The following PRIM2 variants were observed in gnomAD, a reference collection of about 807,000 sequenced individuals.
PRIM2 encodes the protein DNA primase subunit 2.
PRIM2 carries 39 observed loss-of-function variants against 67.3 expected under a neutral mutation model. The ratio of observed to expected loss-of-function variants is 0.58; its 90% CI spans 0.45 to 0.76. The LOEUF (loss-of-function observed/expected upper bound fraction) is 0.76, where lower values mean the gene tolerates loss of function less well. Among genes scored for constraint, PRIM2 ranks in the 30% least tolerant of loss-of-function variants. The probability of loss-of-function intolerance (pLI) is 0.00; values close to 1 mark genes in which losing one functional copy is unlikely to be tolerated. For missense variants in PRIM2, 398 were observed against 598.7 expected, an observed-to-expected ratio of 0.66 and a Z score of 3.50; for synonymous variants, 143 against 198.7, an observed-to-expected ratio of 0.72 and a Z score of 2.36.
At chr6:57,541,210 A>G (rs1237426793) in intron 10 of PRIM2, among the ~76,000 whole-genome samples, 1 of 152,182 alleles carries the variant, frequency 6.6e-6, no homozygotes. Context: ...GTATCGATCA[A>G]TGTAGTACAG....
intron 10 of PRIM2, among the ~76,000 whole-genome samples, chr6:57,554,776 A>G (rs1455297210): frequency 6.6e-6 from 1 of 152,226 alleles, no homozygotes; most frequent in Non-Finnish European, 1.5e-5. Flanking sequence ...ATGCTACTTC[A>G]TGGTTTTTTC....
chr6:57,272,223 T>A, the PRIM2 span, among the ~76,000 whole-genome samples: 3 of 152,182 alleles, frequency 2.0e-5, no homozygotes, highest in Admixed American at 2.0e-4. Context: ...ATGTTGACAG[T>A]GGGGTGTTAA....
intron 7 of PRIM2, among the ~76,000 whole-genome samples, chr6:57,480,785 C>G (rs1212975501): frequency 6.6e-6 from 1 of 152,136 alleles, no homozygotes; most frequent in Non-Finnish European, 1.5e-5. Flanking sequence ...CATGTCACCA[C>G]GCCCAGCTAG....
chr6:57,545,656 A>T (rs2127473251), intron 10 of PRIM2, among the ~76,000 whole-genome samples: 1 of 152,098 alleles, frequency 6.6e-6, no homozygotes, highest in East Asian at 1.9e-4. Context: ...CTGGTCTCGA[A>T]CTCCCGACCT....
chr6:57,416,462 A>G (rs576908619), intron 7 of PRIM2, among the ~76,000 whole-genome samples: 1 of 152,268 alleles, frequency 6.6e-6, no homozygotes, highest in East Asian at 1.9e-4. Flanking sequence ...GATTTTCAGA[A>G]TGGTAAATGA....
chr6:57,391,831 C>T (rs910417038), intron 7 of PRIM2, among the ~76,000 whole-genome samples: 1 of 152,032 alleles, frequency 6.6e-6, no homozygotes, highest in African/African-American at 2.4e-5. Flanking sequence ...TTAGGATTGC[C>T]TTGGCTATTC....
chr6:57,607,803 T>C (rs1582017496), intron 12 of PRIM2, among the ~76,000 whole-genome samples: 1 of 152,194 alleles, frequency 6.6e-6, no homozygotes, highest in Non-Finnish European at 1.5e-5. Flanking sequence ...ATATTATGTC[T>C]GCATTTAAAT....
intron 10 of PRIM2, among the ~76,000 whole-genome samples, chr6:57,560,689 C>T (rs1690114676): frequency 6.6e-6 from 1 of 151,372 alleles, no homozygotes; most frequent in East Asian, 2.0e-4. Context: ...TCTTATCATA[C>T]ATCTCCATCA....
At chr6:57,638,564 G>A (rs1420390900) in intron 13 of PRIM2, among the ~76,000 whole-genome samples, 30 of 65,472 alleles carry the variant, frequency 4.6e-4, no homozygotes, top group African/African-American at 2.0e-3. Flanking sequence ...TATTTACCAA[G>A]CAAACAGAAA....
intron 7 of PRIM2, among the ~76,000 whole-genome samples, chr6:57,402,836 A>C (rs1456200730): frequency 6.6e-6 from 1 of 152,204 alleles, no homozygotes; most frequent in Non-Finnish European, 1.5e-5. Context: ...GGGTTTTAAA[A>C]AGGAGAAAAA....
rs1372163879 is a variant in PRIM2 at position 57,646,077 on chromosome 6, A to C, written c.1449A>C (p.Ala483=). 6.2e-7 allele frequency: 1 copy of C among 1,604,220 alleles called. No homozygotes were observed. Among genetic ancestry groups the C allele is most frequent in the Non-Finnish European group, 8.5e-7 (1 of 1,171,038 alleles). ...PKPSVQKTKD[A]SSALASLNSS... is the part of the protein sequence containing the mutation. ...CAAGTGTCCAGAAAACCAAGGATGC[A>C]TCATCTGCTCTGGCCTCTTTAAATT... is the stretch of plus-strand genomic sequence containing the variant. Residue 483 remains alanine, a synonymous_variant, in exon 14 of 14, where the codon GCA becomes GCC. Transcript: ENST00000615550.
chr6:57,331,490 A>G (rs745872792), intron 5 of PRIM2, among the ~76,000 whole-genome samples: 3 of 152,090 alleles, frequency 2.0e-5, no homozygotes, highest in African/African-American at 7.2e-5. Context: ...GATTGGTTTA[A>G]ATGTTTGGTA....
At chr6:57,380,388 C>T (rs528967216) in intron 6 of PRIM2, among the ~76,000 whole-genome samples, 2 of 152,154 alleles carry the variant, frequency 1.3e-5, no homozygotes, top group Non-Finnish European at 2.9e-5. Context: ...CCTCTGACAT[C>T]GTGGTGTCTT....
intron 13 of PRIM2, among the ~76,000 whole-genome samples, chr6:57,644,735 A>C (rs1777305317): frequency 6.6e-6 from 1 of 152,236 alleles, no homozygotes; most frequent in Non-Finnish European, 1.5e-5. Context: ...GAAATGGAAT[A>C]ACTTCTCAGT....
chr6:57,502,145 C>T (rs1554346928), intron 7 of PRIM2, among the ~76,000 whole-genome samples: 44 of 152,142 alleles, frequency 2.9e-4, no homozygotes, highest in African/African-American at 9.9e-4. Context: ...AAATTTTAAG[C>T]CCCCCAGCCA....
At chr6:57,573,340 T>G (rs1775896755) in intron 10 of PRIM2, among the ~76,000 whole-genome samples, 1 of 152,202 alleles carries the variant, frequency 6.6e-6, no homozygotes, top group Non-Finnish European at 1.5e-5. Flanking sequence ...ACATGTGAAG[T>G]GGCTAGTGGA....
intron 7 of PRIM2, among the ~76,000 whole-genome samples, chr6:57,401,724 G>C (rs995538294): frequency 2.6e-5 from 4 of 152,192 alleles, no homozygotes; most frequent in Non-Finnish European, 4.4e-5. Flanking sequence ...GTGCAGGTCT[G>C]CAATCACCCA....
intron 7 of PRIM2, among the ~76,000 whole-genome samples, chr6:57,384,525 A>G (rs60002991): frequency 0.4 from 61,488 of 151,910 alleles, 13,398 homozygotes; most frequent in South Asian, 0.57. Flanking sequence ...GTACCTCAAC[A>G]TATGATTTTC....
intron 12 of PRIM2, among the ~76,000 whole-genome samples, chr6:57,629,686 C>T (rs1319427809): frequency 1.3e-5 from 2 of 150,168 alleles, no homozygotes; most frequent in African/African-American, 4.9e-5. Context: ...CCTGTTTCTA[C>T]CTCTCTCCTT....
Sources: allele counts gnomAD v4.1 joint callset (sites outside exome capture counted in the v4.1 genomes callset), GRCh38; gene constraint gnomAD v4.1.1; transcripts MANE v1.5; gene names NCBI Gene and HGNC (gene_info 2026-07-23, HGNC 2026-07-21).